Variants in CTNNA3 observed in about 807,000 individuals in gnomAD.
CTNNA3 encodes catenin alpha-3.
CTNNA3 carries 76 observed loss-of-function variants against 95.7 expected under a neutral mutation model. The ratio of observed to expected loss-of-function variants is 0.79; its 90% CI spans 0.66 to 0.96. CTNNA3 has a LOEUF of 0.96. CTNNA3 is among the 40% of genes least tolerant of loss of function. The pLI is 0.00. For synonymous variants in CTNNA3, 431 were observed against 374.4 expected, an observed-to-expected ratio of 1.15 and a Z score of -1.74; for missense variants, 1,191 against 1,089.8, an observed-to-expected ratio of 1.09 and a Z score of -1.31.
rs1473248505 is a variant in CTNNA3, at chr10:66,863,218, C to CAT, written c.1048-87696_1048-87695dup. ...ACACACACACACACACACGCACACA[C>CAT]ATATATATATATAATACAATATATA... On this transcript the variant is annotated intron_variant, in intron 7 of 17. Coordinates refer to ENST00000433211, the MANE Select transcript of CTNNA3 (RefSeq NM_013266.4). 2.7e-3 allele frequency among the ~76,000 whole-genome samples: 411 copies of CAT among 150,730 alleles called. 1 individual carries two copies. The highest frequency in any genetic ancestry group is 5.8e-3 in the African/African-American group (238 of 41,156).
chr10:67,307,539 C>T (rs10762165), intron 5 of CTNNA3, among the ~76,000 whole-genome samples: 21,092 of 152,142 alleles, frequency 0.14, 3,022 homozygotes, highest in African/African-American at 0.37. Flanking sequence ...ATATAAACCA[C>T]AGCACTAGTA....
chr10:66,524,161 G>A (rs775487291), intron 10 of CTNNA3, among the ~76,000 whole-genome samples: 1 of 12,502 alleles, frequency 8.0e-5, no homozygotes, highest in Non-Finnish European at 2.6e-4. Flanking sequence ...CATATCCATG[G>A]AAATATCACC....
rs1395099616 is a variant in CTNNA3, at chr10:67,740,947, G to C, written c.-2+22487C>G. ...ATGATAGACTGGATTAAGAAAATGT[G>C]GTACATATACACCATGGAATACTAT... On this transcript the variant is annotated intron_variant, in intron 1 of 17. Coordinates refer to the CTNNA3 transcript ENST00000684154. Among the ~76,000 whole-genome samples the C allele has an allele frequency of 2.0e-5, 3 of 151,206 alleles. 1 individual carries two copies. Among genetic ancestry groups the C allele is most frequent in the African/African-American group, 7.3e-5 (3 of 41,228 alleles).
intron 15 of CTNNA3, among the ~76,000 whole-genome samples, chr10:66,060,217 G>A (rs1306292383): frequency 1.3e-5 from 2 of 151,988 alleles, no homozygotes; most frequent in African/African-American, 2.4e-5. Context: ...TAAGTTCACA[G>A]TCAAGATTCC....
intron 10 of CTNNA3, among the ~76,000 whole-genome samples, chr10:66,568,032 G>A (rs1480077379): frequency 3.3e-5 from 5 of 152,130 alleles, no homozygotes; most frequent in Admixed American, 1.3e-4. Flanking sequence ...AATTACTATG[G>A]CTTTACTTTC....
At chr10:66,892,417 T>C (rs546317970) in intron 7 of CTNNA3, among the ~76,000 whole-genome samples, 3 of 152,234 alleles carry the variant, frequency 2.0e-5, no homozygotes, top group African/African-American at 7.2e-5. Context: ...ATTAACTATA[T>C]TGTAAATCGC....
chr10:67,301,368 T>A (rs1407871779), intron 5 of CTNNA3, among the ~76,000 whole-genome samples: 3 of 152,192 alleles, frequency 2.0e-5, no homozygotes, highest in East Asian at 3.9e-4. Flanking sequence ...TAGGAGAGAA[T>A]GTGGAGAAAA....
intron 14 of CTNNA3, among the ~76,000 whole-genome samples, chr10:66,072,859 G>A (rs181809150): frequency 6.6e-6 from 1 of 151,906 alleles, no homozygotes; most frequent in African/African-American, 2.4e-5. Flanking sequence ...TTTACATTGG[G>A]AAATAAAATT....
At chr10:66,989,356 G>C (rs1850913627) in intron 7 of CTNNA3, among the ~76,000 whole-genome samples, 1 of 152,158 alleles carries the variant, frequency 6.6e-6, no homozygotes, top group Non-Finnish European at 1.5e-5. Flanking sequence ...CATTGTGGCA[G>C]AGGAAAATTT....
At chr10:66,966,147 T>G (rs1309262914) in intron 7 of CTNNA3, among the ~76,000 whole-genome samples, 1 of 151,864 alleles carries the variant, frequency 6.6e-6, no homozygotes, top group African/African-American at 2.4e-5. Context: ...TGAAAAATAG[T>G]GAAGCTTCTG....
intron 2 of CTNNA3, among the ~76,000 whole-genome samples, chr10:67,625,546 A>T (rs904778310): frequency 9.2e-5 from 14 of 152,238 alleles, no homozygotes. Context: ...TTTATGGAAT[A>T]AATAAATTGG....
intron 13 of CTNNA3, among the ~76,000 whole-genome samples, chr10:66,221,486 G>A (rs1393305085): frequency 2.0e-5 from 3 of 152,238 alleles, no homozygotes; most frequent in African/African-American, 4.8e-5. Context: ...CATGGGAACT[G>A]CACTGAGATC....
At chr10:67,633,648 G>A (rs1380406098) in intron 2 of CTNNA3, among the ~76,000 whole-genome samples, 2 of 152,120 alleles carry the variant, frequency 1.3e-5, no homozygotes, top group Admixed American at 6.6e-5. Flanking sequence ...CAACAGAAGA[G>A]TGACCTGACT....
rs978098112 is a variant in CTNNA3 at position 66,319,019 on chromosome 10, A to G, written c.1733-38398T>C. Among the ~76,000 whole-genome samples, 4 of 152,062 alleles carry G rather than the reference A, an allele frequency of 2.6e-5. No homozygotes were observed. In the South Asian group the frequency reaches 8.3e-4, roughly 31 times the overall value. ...CTGAGAGAAAGAAAGGAGCTAGCAA[A>G]TACTTAAGAAATCGAGTTATTAAAT... On this transcript the variant is annotated intron_variant, in intron 12 of 17. Transcript: ENST00000433211.
chr10:67,222,901 C>A (rs997659287), intron 5 of CTNNA3, among the ~76,000 whole-genome samples: 6 of 152,190 alleles, frequency 3.9e-5, no homozygotes, highest in Non-Finnish European at 7.4e-5. Context: ...AAAATTATTT[C>A]TTTTGCTCTA....
chr10:67,257,586 T>A (rs2132379417), intron 5 of CTNNA3, among the ~76,000 whole-genome samples: 1 of 152,334 alleles, frequency 6.6e-6, no homozygotes, highest in African/African-American at 2.4e-5. Flanking sequence ...ATAATAATTA[T>A]GCTCCAGTAC....
At chr10:66,754,130 T>A (rs1340845902) in intron 9 of CTNNA3, among the ~76,000 whole-genome samples, 3 of 152,202 alleles carry the variant, frequency 2.0e-5, no homozygotes, top group Non-Finnish European at 4.4e-5. Context: ...GTTTTAAATC[T>A]TACTACAAAG....
intron 5 of CTNNA3, among the ~76,000 whole-genome samples, chr10:67,438,722 G>A (rs1256268005): frequency 6.6e-6 from 1 of 152,196 alleles, no homozygotes; most frequent in African/African-American, 2.4e-5. Context: ...CACAGAGAGA[G>A]AATCTGTGCA....
intron 9 of CTNNA3, among the ~76,000 whole-genome samples, chr10:66,665,321 C>T (rs1846413129): frequency 6.6e-6 from 1 of 152,152 alleles, no homozygotes; most frequent in Admixed American, 6.6e-5. Context: ...TTCTGCCAGA[C>T]CCTTCAGGAT....
Sources: allele counts gnomAD v4.1 joint callset (sites outside exome capture counted in the v4.1 genomes callset), GRCh38; gene constraint gnomAD v4.1.1; transcripts MANE v1.5; gene names NCBI Gene and HGNC (gene_info 2026-07-23, HGNC 2026-07-21).